The following NUP98 variants were observed in gnomAD, a reference collection of about 807,000 sequenced individuals.
The protein encoded by NUP98 is nucleoporin 98 and 96 precursor, also known as nuclear pore complex protein Nup98-Nup96.
In NUP98, 26 loss-of-function variants were observed where a neutral mutation model predicts 191.9. The ratio of observed to expected loss-of-function variants is 0.14; its 90% CI spans 0.10 to 0.19. The LOEUF is 0.19. Among genes scored for constraint, NUP98 ranks in the 10% least tolerant of loss-of-function variants. NUP98 has a pLI of 1.00. For synonymous variants in NUP98, 808 were observed against 778.4 expected (o/e 1.04, Z -0.63); for missense variants, 1,941 against 2,178.8 (o/e 0.89, Z 2.17).
intron 11 of NUP98, among the ~76,000 whole-genome samples, chr11:3,746,294 A>AAAAAAAATAAAAAAAAG (rs144936005): frequency 1.1e-5 from 1 of 93,086 alleles, no homozygotes; most frequent in African/African-American, 5.0e-5. Flanking sequence ...AAAAAAAAAA[A>AAAAAAAATAAAAAAAAG]GACAGCTTTG....
Position 3,713,907 on chromosome 11 carries a change from T to G in NUP98, c.2488A>C (p.Asn830His), listed in dbSNP as rs1454505555. The change falls in exon 19 of 33, where the codon AAC becomes CAC. Residue 830 changes from asparagine (N) to histidine (H), a missense_variant. Transcript: ENST00000324932. ...IKSPDRLADI[N>H]YEGRLEAVSR... ...ACTGCTTCCAATCTTCCTTCATAGT[T>G]GATATCAGCAAGGCGATCTGGGCTC... 2 of 1,614,144 alleles carry G rather than the reference T, an allele frequency of 1.2e-6. No individual in the cohort carries two copies. The highest frequency in any genetic ancestry group is 1.7e-6 in the Non-Finnish European group (2 of 1,180,006).
intron 23 of NUP98, among the ~76,000 whole-genome samples, chr11:3,701,682 CTTTT>C (rs2078683535): frequency 6.6e-6 from 1 of 150,794 alleles, no homozygotes; most frequent in Admixed American, 6.6e-5. Context: ...TTTTCTTTTT[CTTTT>C]CTCTCTTTTT....
At chr11:3,720,292 T>G (rs900674173) in intron 17 of NUP98, among the ~76,000 whole-genome samples, 1 of 152,258 alleles carries the variant, frequency 6.6e-6, no homozygotes, top group African/African-American at 2.4e-5. Flanking sequence ...CTCTTGCCTA[T>G]TATTCAATTT....
At chr11:3,701,420 C>G (rs906082946) in intron 23 of NUP98, among the ~76,000 whole-genome samples, 16 of 152,048 alleles carry the variant, frequency 1.1e-4, no homozygotes, top group African/African-American at 3.6e-4. Flanking sequence ...CACCACCACC[C>G]TGGGCTAATT....
At chr11:3,764,144 A>C (rs2081264232) in intron 8 of NUP98, among the ~76,000 whole-genome samples, 1 of 151,262 alleles carries the variant, frequency 6.6e-6, no homozygotes, top group African/African-American at 2.4e-5. Context: ...GGAACCATTC[A>C]TCTTTTTCTA....
intron 7 of NUP98, among the ~76,000 whole-genome samples, chr11:3,771,133 G>A (rs532392329): frequency 1.3e-5 from 2 of 152,296 alleles, no homozygotes; most frequent in South Asian, 4.1e-4. Context: ...AAAGTGCTAG[G>A]ACTGCAGGCG....
intron 12 of NUP98, among the ~76,000 whole-genome samples, chr11:3,744,291 T>C (rs909546979): frequency 2.6e-5 from 4 of 152,122 alleles, no homozygotes; most frequent in Admixed American, 2.0e-4. Context: ...GAATTAAAAA[T>C]AGTAACAAAA....
chr11:3,773,003 A>G (rs1285750890), intron 6 of NUP98, among the ~76,000 whole-genome samples: 1 of 152,046 alleles, frequency 6.6e-6, no homozygotes, highest in Non-Finnish European at 1.5e-5. Context: ...AAAAAACAAA[A>G]AAAAACCAAC....
At chr11:3,759,189 A>G (rs2081079637) in intron 10 of NUP98, among the ~76,000 whole-genome samples, 1 of 152,228 alleles carries the variant, frequency 6.6e-6, no homozygotes, top group African/African-American at 2.4e-5. Flanking sequence ...CTGGCACACA[A>G]AATCCTCAAG....
chr11:3,752,518 A>T (rs373584232), intron 11 of NUP98, among the ~76,000 whole-genome samples: 2 of 147,464 alleles, frequency 1.4e-5, no homozygotes, highest in African/African-American at 5.0e-5. Context: ...CTCCATCTCC[A>T]AAATAAATAA....
At chr11:3,711,292 G>C (rs1253939851) in intron 20 of NUP98, among the ~76,000 whole-genome samples, 1 of 152,012 alleles carries the variant, frequency 6.6e-6, no homozygotes, top group African/African-American at 2.4e-5. Context: ...CTTTTTGCTA[G>C]AACCTTGATC....
chr11:3,759,770 C>T (rs1053542594), intron 10 of NUP98, among the ~76,000 whole-genome samples: 14 of 151,110 alleles, frequency 9.3e-5, no homozygotes, highest in African/African-American at 2.9e-4. Flanking sequence ...TTTTTGAAAC[C>T]GTAAAAAATA....
chr11:3,697,075 A>G (rs2078532907), intron 25 of NUP98: 1 of 152,070 alleles, frequency 6.6e-6, no homozygotes, highest in Non-Finnish European at 1.5e-5. Context: ...GATCAATCCC[A>G]AAGATAAATT....
intron 11 of NUP98, 79 bp from the exon 12 acceptor site, chr11:3,744,728 A>G (rs1337463980): frequency 1.0e-5 from 15 of 1,494,410 alleles, no homozygotes; most frequent in South Asian, 2.6e-5. Flanking sequence ...ACTTAAAAAT[A>G]TAATACATTT....
rs1317305724 is a variant in NUP98, at chr11:3,775,948, T to C, written c.429A>G (p.Thr143=). Residue 143 remains threonine (T), a synonymous_variant, in exon 5 of 33, where the codon ACA becomes ACG. Transcript: ENST00000324932. The part of the protein sequence containing the change: ...TNTTSNPFGS[T]SGSLFGPSSF... Reference sequence around the variant, plus strand: ...TACTTGGCCCAAAGAGGGAGCCAGATGTGCTGCCAAAAGGATTAGAGGTGG... The same window carrying C: ...TACTTGGCCCAAAGAGGGAGCCAGACGTGCTGCCAAAAGGATTAGAGGTGG... 13 of 1,613,578 alleles carry C rather than the reference T, an allele frequency of 8.1e-6. No individual in the cohort carries two copies. The highest frequency in any genetic ancestry group is 1.1e-5 in the Non-Finnish European group (13 of 1,179,528).
chr11:3,703,105 T>C (rs1314989496), intron 22 of NUP98, among the ~76,000 whole-genome samples: 2 of 152,166 alleles, frequency 1.3e-5, no homozygotes, highest in African/African-American at 2.4e-5. Flanking sequence ...ATGATGATGA[T>C]GATATCTACA....
At chr11:3,781,183 C>T (rs1440215433) in intron 2 of NUP98, among the ~76,000 whole-genome samples, 1 of 90,504 alleles carries the variant, frequency 1.1e-5, no homozygotes, top group Admixed American at 1.2e-4. Context: ...AGGATCCTAT[C>T]TCAAAAAAAA....
intron 29 of NUP98, among the ~76,000 whole-genome samples, 167 bp downstream of exon 29, chr11:3,685,806 G>C (rs2078117170): frequency 6.6e-6 from 1 of 152,178 alleles, no homozygotes; most frequent in Non-Finnish European, 1.5e-5. Flanking sequence ...CATGAATACA[G>C]AAACAGTCTA....
intron 31 of NUP98, among the ~76,000 whole-genome samples, chr11:3,677,724 G>A (rs1400788823): frequency 6.6e-6 from 1 of 152,068 alleles, no homozygotes; most frequent in Non-Finnish European, 1.5e-5. Flanking sequence ...TCCATAATAG[G>A]TTGTGTGAAT....
Sources: gnomAD v4.1 joint callset for allele counts (sites outside exome capture counted in the v4.1 genomes callset) on GRCh38, gnomAD v4.1.1 for gene constraint, MANE v1.5 for transcripts, NCBI Gene and HGNC (gene_info 2026-07-23, HGNC 2026-07-21) for gene names.